DOCK8: variants seen among roughly 807,000 people sequenced by gnomAD.
DOCK8 encodes dedicator of cytokinesis 8, also known as dedicator of cytokinesis protein 8.
DOCK8 carries 141 observed loss-of-function variants against 245.6 expected under a neutral mutation model. That is an observed-to-expected ratio of 0.57 (90% confidence interval 0.50 to 0.66). The LOEUF (loss-of-function observed/expected upper bound fraction) is 0.66. Ranked by LOEUF, DOCK8 falls within the 30% of genes least tolerant of loss-of-function variation. The pLI, the probability that DOCK8 is intolerant of heterozygous loss-of-function variation, is 0.00. For synonymous variants in DOCK8, 1,168 were observed against 970.2 expected (o/e 1.20, Z -3.79); for missense variants, 2,965 against 2,603.4 (o/e 1.14, Z -3.02).
At chr9:430,000 A>T (rs770160601) in intron 36 of DOCK8, 146 bp downstream of exon 36, 1 of 963,406 alleles carries the variant, frequency 1.0e-6, no homozygotes, top group Non-Finnish European at 1.6e-6. Context: ...ATGTAGATAG[A>T]TAGCAGCTTC....
intron 4 of DOCK8, among the ~76,000 whole-genome samples, chr9:295,602 T>C (rs138544120): frequency 4.8e-4 from 73 of 152,318 alleles, no homozygotes; most frequent in African/African-American, 1.7e-3. Context: ...TGGAGGACCA[T>C]ACTTAGTGAA....
intron 1 of DOCK8, among the ~76,000 whole-genome samples, chr9:254,939 C>G (rs1563844123): frequency 6.6e-6 from 1 of 152,188 alleles, no homozygotes; most frequent in Non-Finnish European, 1.5e-5. Context: ...GCTCAGAAAT[C>G]TGCATGGTTG....
intron 3 of DOCK8, 54 bp from the exon 4 acceptor site, chr9:289,456 G>A: frequency 7.0e-7 from 1 of 1,418,968 alleles, no homozygotes; most frequent in Non-Finnish European, 9.9e-7. Context: ...ATTAGGGGTT[G>A]TTTTGTTGTT....
chr9:408,406 G>A (rs1212679280), intron 28 of DOCK8, among the ~76,000 whole-genome samples: 7 of 152,160 alleles, frequency 4.6e-5, no homozygotes, highest in Non-Finnish European at 1.0e-4. Flanking sequence ...AAACTGGCCT[G>A]AGTATATCCT....
intron 14 of DOCK8, among the ~76,000 whole-genome samples, chr9:346,724 G>A (rs1260581835): frequency 1.3e-5 from 2 of 152,126 alleles, no homozygotes; most frequent in Admixed American, 6.5e-5. Flanking sequence ...ACGGGGATGT[G>A]CTCCCATATC....
At chr9:356,767 T>C (rs1341443124) in intron 14 of DOCK8, among the ~76,000 whole-genome samples, 1 of 152,190 alleles carries the variant, frequency 6.6e-6, no homozygotes, top group Non-Finnish European at 1.5e-5. Context: ...GAGTGAATTA[T>C]ATATAAACCT....
upstream of DOCK8, chr9:214,847 A>C (rs80013679): frequency 8.2e-4 from 1,309 of 1,601,674 alleles, 7 homozygotes; most frequent in African/African-American, 0.014. Flanking sequence ...GGAAATGCGG[A>C]AGTTTCCAGC....
chr9:400,947 TCACCACCACCAC>T (rs751022932), intron 26 of DOCK8, among the ~76,000 whole-genome samples: 12 of 28,542 alleles, frequency 4.2e-4, no homozygotes, highest in South Asian at 3.5e-3. Flanking sequence ...ACCACCACCA[TCACCACCACCAC>T]CACCACCTCC....
intron 28 of DOCK8, among the ~76,000 whole-genome samples, chr9:410,051 T>A (rs1381545587): frequency 6.6e-6 from 1 of 152,210 alleles, no homozygotes; most frequent in African/African-American, 2.4e-5. Context: ...CATATGTTTA[T>A]TGCGGCAAGA....
chr9:422,254 A>T, intron 33 of DOCK8, 119 bp downstream of exon 33: 1 of 840,932 alleles, frequency 1.2e-6, no homozygotes, highest in Non-Finnish European at 2.0e-6. Context: ...AAACATCATT[A>T]TCTGTGTAAA....
chr9:433,675 C>A (rs925471478), intron 37 of DOCK8, among the ~76,000 whole-genome samples, 200 bp from the exon 38 acceptor site: 1 of 152,218 alleles, frequency 6.6e-6, no homozygotes, highest in Admixed American at 6.5e-5. Flanking sequence ...CAAGGGCCAA[C>A]ACACATCCAG....
upstream of DOCK8, chr9:214,481 T>G (rs555141191): frequency 6.3e-7 from 1 of 1,586,122 alleles, no homozygotes; most frequent in East Asian, 2.3e-5. Context: ...TCTTCGAGAA[T>G]GGTGTCAACC....
intron 10 of DOCK8, among the ~76,000 whole-genome samples, chr9:333,748 C>A (rs1251077800): frequency 1.3e-5 from 2 of 151,714 alleles, no homozygotes; most frequent in African/African-American, 4.8e-5. Context: ...GAAAGAACAC[C>A]TTGGAAGTAT....
At chr9:249,746 T>C (rs2047603765) in intron 1 of DOCK8, among the ~76,000 whole-genome samples, 1 of 151,900 alleles carries the variant, frequency 6.6e-6, no homozygotes, top group African/African-American at 2.4e-5. Flanking sequence ...GCCTGCCAAG[T>C]AACTGGGATT....
chr9:340,499 T>C (rs968289238), intron 14 of DOCK8, 178 bp downstream of exon 14: 3 of 734,170 alleles, frequency 4.1e-6, no homozygotes, highest in Non-Finnish European at 6.6e-6. Flanking sequence ...TGCATGCTTG[T>C]AATCCCAGCA....
In DOCK8 at chr9:334,359, G is replaced by C; in HGVS notation, c.1260G>C (p.Glu420Asp). ...TCAATGTCTCCACCCTTGAGAGGGA[G>C]GTAACTGATGTGGACTCTGTGGTTG... Reference protein sequence around the residue: ...SFFNVSTLEREVTDVDSVVGR... With the variant: ...SFFNVSTLERDVTDVDSVVGR... The change falls in exon 11 of 48, where the codon GAG becomes GAC. Residue 420 changes from glutamate (E) to aspartate (D), a missense_variant. This residue lies in a region of DOCK8 where 2,825 missense variants were observed against 2,453.5 expected (regional missense o/e 1.15). Transcript: ENST00000432829. 1 of 1,614,090 alleles carries C rather than the reference G, an allele frequency of 6.2e-7. No homozygotes were observed. The highest frequency in any genetic ancestry group is 1.1e-5 in the South Asian group (1 of 91,084).
rs2055004520 is a variant in DOCK8 at position 400,924 on chromosome 9, CACCA to C, written c.3234+1666_3234+1669del. ...CCACTACCAACAGCTCCTTCACCAT[CACCA>C]CAACATCCACCACCACCATCACCAC... On this transcript the variant is annotated intron_variant, in intron 26 of 47. Transcript: ENST00000432829. Among the ~76,000 whole-genome samples, 3 of 109,864 alleles carry C rather than the reference CACCA, an allele frequency of 2.7e-5. 1 individual carries two copies. Among genetic ancestry groups the C allele is most frequent in the Non-Finnish European group, 4.0e-5 (2 of 50,468 alleles). The allele number at this position is 109,864 out of a possible 152,430, so 72.1% of individuals were successfully genotyped here. A position where few individuals can be genotyped will look rare whatever the true frequency, so the allele number is the denominator to read the frequency against.
At chr9:238,519 A>G (rs1238031920) in intron 1 of DOCK8, among the ~76,000 whole-genome samples, 1 of 152,230 alleles carries the variant, frequency 6.6e-6, no homozygotes, top group Admixed American at 6.5e-5. Context: ...CAGGCACCAT[A>G]ATAATGTAAA....
chr9:296,003 G>A (rs1358774619), intron 4 of DOCK8, among the ~76,000 whole-genome samples: 1 of 152,176 alleles, frequency 6.6e-6, no homozygotes, highest in African/African-American at 2.4e-5. Context: ...CCAGTACATT[G>A]AAGGAAATGT....
Sources: gnomAD v4.1 joint callset for allele counts (sites outside exome capture counted in the v4.1 genomes callset) on GRCh38, gnomAD v4.1.1 for gene constraint, gnomAD v4.1.1 regional missense constraint, MANE v1.5 for transcripts, NCBI Gene and HGNC (gene_info 2026-07-23, HGNC 2026-07-21) for gene names.